Variants in PIK3R1 observed in about 807,000 individuals in gnomAD.
PIK3R1 encodes phosphoinositide-3-kinase regulatory subunit 1.
A neutral mutation model predicts 98.0 loss-of-function variants in PIK3R1; 29 were observed. That is an observed-to-expected ratio of 0.30 (90% CI 0.22 to 0.40). The LOEUF is 0.40. PIK3R1 is among the 10% of genes least tolerant of loss of function. The pLI is 1.00. For synonymous variants in PIK3R1, 282 were observed against 311.8 expected, an observed-to-expected ratio of 0.90 and a Z score of 1.01; for missense variants, 596 against 872.7, an observed-to-expected ratio of 0.68 and a Z score of 3.99.
chr5:68,294,832 G>C (rs1747608589), intron 12 of PIK3R1, among the ~76,000 whole-genome samples, 154 bp downstream of exon 12: 1 of 148,244 alleles, frequency 6.7e-6, no homozygotes, highest in African/African-American at 2.5e-5. Flanking sequence ...AGGAGGGAGG[G>C]ATAGCATTGG....
intron 7 of PIK3R1, chr5:68,291,113 TG>T: frequency 3.1e-6 from 1 of 327,174 alleles, no homozygotes; most frequent in South Asian, 5.0e-5. Context: ...GATCCTTCCC[TG>T]GGTGAGTTAT....
rs2112255306 is a variant in PIK3R1 at position 68,293,219 on chromosome 5, T to C, written c.1118+20T>C. ...ACTAAGGTAAGCCAGGGAATATAGC[T>C]GAAATTAGGGTTTTGGGCTGATATT... On this transcript the variant is annotated intron_variant, in intron 9 of 15. Transcript: ENST00000521381. 6.2e-7 allele frequency: 1 copy of C among 1,604,830 alleles called. No homozygotes were observed. Among genetic ancestry groups the C allele is most frequent in the Non-Finnish European group, 8.5e-7 (1 of 1,172,330 alleles).
chr5:68,255,500 T>G (rs1475300957), intron 2 of PIK3R1, among the ~76,000 whole-genome samples: 1 of 152,198 alleles, frequency 6.6e-6, no homozygotes, highest in Non-Finnish European at 1.5e-5. Context: ...TGCATTAATT[T>G]GAAGCCCTGC....
chr5:68,265,809 G>A (rs545368884), intron 2 of PIK3R1, among the ~76,000 whole-genome samples: 25 of 152,266 alleles, frequency 1.6e-4, no homozygotes, highest in South Asian at 4.1e-4. Flanking sequence ...AATGTTAATC[G>A]TAGAATCTAG....
In PIK3R1 at chr5:68,279,647, C is replaced by T; in HGVS notation, c.548C>T (p.Ala183Val). 1 of 1,613,840 alleles carries T rather than the reference C, an allele frequency of 6.2e-7. No individual in the cohort carries two copies. Among genetic ancestry groups the T allele is most frequent in the Non-Finnish European group, 8.5e-7 (1 of 1,179,732 alleles). Residue 183 changes from alanine to valine, a missense_variant, in exon 5 of 16, where the codon GCT (alanine) becomes GTT (valine). Physicochemically the swap from Ala to Val is moderately conservative, Grantham distance 64. Transcript: ENST00000521381. ...DLEMIDVHVL[A>V]DAFKRYLLDL... ...GAAATGATCGATGTGCACGTTTTGG[C>T]TGACGCTTTCAAACGCTATCTCCTG... is the stretch of plus-strand genomic sequence containing the variant.
intron 7 of PIK3R1, chr5:68,288,634 G>C (rs888388172): frequency 5.5e-5 from 88 of 1,594,300 alleles, no homozygotes; most frequent in Middle Eastern, 5.0e-4. Context: ...GGAACAGGCT[G>C]GGGGGAGGTG....
chr5:68,225,150 C>T (rs1226734096), intron 1 of PIK3R1, among the ~76,000 whole-genome samples: 2 of 152,122 alleles, frequency 1.3e-5, no homozygotes, highest in African/African-American at 2.4e-5. Context: ...AACTCTTCTT[C>T]CTTGTTTTTG....
In PIK3R1 at chr5:68,297,494, T is replaced by A. The variant is rs1747790298; in HGVS notation, c.2068T>A (p.Ser690Thr). ...TGCCGAGCCCTATAACTTGTACAGC[T>A]CTCTGAAAGAACTGGTGCTACATTA... ...GFAEPYNLYS[S>T]LKELVLHYQH... Residue 690 changes from serine to threonine, a missense_variant, in exon 16 of 16, where the codon TCT becomes ACT. Ser to Thr is a moderately conservative substitution (Grantham distance 58, BLOSUM62 1). This residue lies in a region of PIK3R1 where 207 missense variants were observed against 361.4 expected (regional missense o/e 0.57). Coordinates refer to ENST00000521381, the MANE Select transcript of PIK3R1 (RefSeq NM_181523.3). 6.2e-7 allele frequency: 1 copy of A among 1,614,058 alleles called. No individual in the cohort carries two copies. The highest frequency in any genetic ancestry group is 1.7e-5 in the Admixed American group (1 of 60,010).
chr5:68,232,249 T>G (rs1181869528), intron 2 of PIK3R1, among the ~76,000 whole-genome samples: 1 of 152,218 alleles, frequency 6.6e-6, no homozygotes, highest in African/African-American at 2.4e-5. Context: ...CTCAATACAT[T>G]CTTGATTTTT....
In PIK3R1 at chr5:68,226,493, A is replaced by G. The variant is rs1744279462; in HGVS notation, c.-183A>G. 1 of 570,952 alleles carries G rather than the reference A, an allele frequency of 1.8e-6. No homozygotes were observed. Among genetic ancestry groups the G allele is most frequent in the Non-Finnish European group, 3.1e-6 (1 of 323,656 alleles). The allele number at this position is 570,952 out of a possible 1,614,324, so 35.4% of individuals were successfully genotyped here. A position where few individuals can be genotyped will look rare whatever the true frequency, so the allele number is the denominator to read the frequency against. Reference sequence around the variant, plus strand: ...TTCGGTCACACCATTGATGGAGGACAGATGGACAGCCGTATGGCCAGTCAC... The same window carrying G: ...TTCGGTCACACCATTGATGGAGGACGGATGGACAGCCGTATGGCCAGTCAC... On this transcript the variant is annotated 5_prime_UTR_variant, in exon 2 of 16. Coordinates refer to ENST00000521381, the MANE Select transcript of PIK3R1 (RefSeq NM_181523.3).
intron 2 of PIK3R1, among the ~76,000 whole-genome samples, chr5:68,248,841 G>C (rs921247429): frequency 6.6e-5 from 10 of 152,140 alleles, no homozygotes; most frequent in African/African-American, 2.2e-4. Context: ...GAATTTAAAT[G>C]AGTAGAGCAT....
chr5:68,256,786 A>G (rs2112089726), intron 2 of PIK3R1, among the ~76,000 whole-genome samples: 1 of 152,282 alleles, frequency 6.6e-6, no homozygotes, highest in African/African-American at 2.4e-5. Context: ...AAGTTTGGGA[A>G]AGAAAAAACA....
intron 7 of PIK3R1, among the ~76,000 whole-genome samples, chr5:68,282,150 G>T (rs921902403): frequency 3.3e-5 from 5 of 152,166 alleles, no homozygotes; most frequent in Admixed American, 2.0e-4. Flanking sequence ...TTTAACAGGG[G>T]TGCCCAGAAT....
intron 2 of PIK3R1, among the ~76,000 whole-genome samples, chr5:68,262,622 G>GC (rs1745834879): frequency 8.1e-6 from 1 of 123,848 alleles, no homozygotes; most frequent in Non-Finnish European, 1.7e-5. Flanking sequence ...TACACATGTA[G>GC]ATGCATGTAT....
chr5:68,254,561 TA>T (rs1174587185), intron 2 of PIK3R1, among the ~76,000 whole-genome samples: 2 of 152,224 alleles, frequency 1.3e-5, no homozygotes, highest in East Asian at 3.8e-4. Flanking sequence ...AAGCCTTCAA[TA>T]AACAGTGACC....
Position 68,262,720 on chromosome 5 carries a change from T to C in PIK3R1, c.335-10670T>C, listed in dbSNP as rs548305871. On this transcript the variant is annotated intron_variant, in intron 2 of 15. Transcript: ENST00000521381. ...ACATGTAGATGCATGTAGATGCATG[T>C]ATACATATATACATGTAGATGCATG... 6.3e-5 allele frequency among the ~76,000 whole-genome samples: 9 copies of C among 142,910 alleles called. 1 individual carries two copies. The South Asian group carries it at 1.1e-3, about 17-fold the overall frequency. 93.8% of individuals were successfully genotyped at this position (142,910 alleles called of 152,430 possible).
chr5:68,231,726 G>C (rs1202199200), intron 2 of PIK3R1, among the ~76,000 whole-genome samples: 1 of 152,184 alleles, frequency 6.6e-6, no homozygotes, highest in East Asian at 1.9e-4. Context: ...ACAAATTCCT[G>C]CCTTTACGAA....
chr5:68,293,860 A>G, intron 11 of PIK3R1, 26 bp downstream of exon 11: 2 of 1,521,704 alleles, frequency 1.3e-6, no homozygotes, highest in South Asian at 1.3e-5. Context: ...AAATCAGATT[A>G]AAAAATAAGA....
chr5:68,241,290 G>A (rs1580190000), intron 2 of PIK3R1, among the ~76,000 whole-genome samples: 1 of 151,864 alleles, frequency 6.6e-6, no homozygotes, highest in African/African-American at 2.4e-5. Flanking sequence ...AAACCCCAGT[G>A]CATGTTCGAT....
Sources: gnomAD v4.1 joint callset for allele counts (sites outside exome capture counted in the v4.1 genomes callset) on GRCh38, gnomAD v4.1.1 for gene constraint, gnomAD v4.1.1 regional missense constraint, MANE v1.5 for transcripts, NCBI Gene and HGNC (gene_info 2026-07-23, HGNC 2026-07-21) for gene names.